The following FBXO40 variants were observed in gnomAD, a reference collection of about 807,000 sequenced individuals.
The protein encoded by FBXO40 is F-box only protein 40.
FBXO40 carries 50 observed loss-of-function variants against 49.9 expected under a neutral mutation model. The ratio of observed to expected loss-of-function variants is 1.00; its 90% CI spans 0.80 to 1.27. The LOEUF is 1.27. Among genes scored for constraint, FBXO40 ranks in the 50% most tolerant of loss-of-function variants. The pLI is 0.00. For missense variants in FBXO40, 895 were observed against 870.1 expected (o/e 1.03, Z -0.36); for synonymous variants, 340 against 320.2 (o/e 1.06, Z -0.66).
intron 1 of FBXO40, among the ~76,000 whole-genome samples, chr3:121,599,190 AG>A (rs1280066553): frequency 6.6e-6 from 1 of 152,040 alleles, no homozygotes; most frequent in Non-Finnish European, 1.5e-5. Context: ...CACAGGGGCC[AG>A]GGGTGGTGGC....
rs369505735 is a variant in FBXO40 at position 121,626,789 on chromosome 3, A to G, written c.2009A>G (p.Asn670Ser). ...GAGCACCTGAAGTCCTGTCCTTTCAACATTGTAGAGCACAAAACTGACCCG... is the reference window on the plus strand; with the variant it reads ...GAGCACCTGAAGTCCTGTCCTTTCAGCATTGTAGAGCACAAAACTGACCCG... The part of the protein sequence containing the change: ...MSEHLKSCPF[N>S]IVEHKTDPIL... The change falls in exon 4 of 4, where the codon AAC becomes AGC. Residue 670 changes from asparagine to serine, a missense_variant. Coordinates refer to ENST00000338040, the MANE Select transcript of FBXO40 (RefSeq NM_016298.4). The G allele has an allele frequency of 1.1e-5, 17 of 1,614,044 alleles. No individual in the cohort carries two copies. The highest frequency in any genetic ancestry group is 1.4e-5 in the Non-Finnish European group (16 of 1,180,048).
At chr3:121,613,467 A>G (rs969800013) in intron 1 of FBXO40, among the ~76,000 whole-genome samples, 1 of 152,210 alleles carries the variant, frequency 6.6e-6, no homozygotes, top group African/African-American at 2.4e-5. Context: ...AAACTATTTC[A>G]GGGCAAAAAT....
At chr3:121,616,545 C>T (rs2048998327) in intron 1 of FBXO40, among the ~76,000 whole-genome samples, 3 of 152,218 alleles carry the variant, frequency 2.0e-5, no homozygotes, top group Non-Finnish European at 1.5e-5. Flanking sequence ...TAAATAGCCA[C>T]ATGTGGCTTG....
chr3:121,624,952 G>A (rs769010196), intron 3 of FBXO40, among the ~76,000 whole-genome samples: 1 of 152,090 alleles, frequency 6.6e-6, no homozygotes, highest in Non-Finnish European at 1.5e-5. Flanking sequence ...ATTGATACAG[G>A]AGGCCAACAA....
chr3:121,611,394 G>T (rs56343977), intron 1 of FBXO40, among the ~76,000 whole-genome samples: 46,813 of 152,078 alleles, frequency 0.31, 7,444 homozygotes, highest in South Asian at 0.46. Flanking sequence ...ATGTCATAAT[G>T]AAGTTCAAGG....
chr3:121,627,066 G>T lies in FBXO40; in HGVS notation c.*156G>T. The T allele has an allele frequency of 1.6e-6, 1 of 641,558 alleles. No homozygotes were observed. The highest frequency in any genetic ancestry group is 2.7e-6 in the Non-Finnish European group (1 of 368,384). The allele number at this position is 641,558 out of a possible 1,614,324, so 39.7% of individuals were successfully genotyped here. A position where few individuals can be genotyped will look rare whatever the true frequency, so the allele number is the denominator to read the frequency against. ...GCAATGTCCTTCGAAACCTCAACACGAGGCCTAAGAATTTCCTAAGCCATG... is the reference window on the plus strand; with the variant it reads ...GCAATGTCCTTCGAAACCTCAACACTAGGCCTAAGAATTTCCTAAGCCATG... On this transcript the variant is annotated 3_prime_UTR_variant, in exon 4 of 4. Transcript: ENST00000338040.
intron 1 of FBXO40, among the ~76,000 whole-genome samples, chr3:121,602,863 G>A (rs1373949890): frequency 1.3e-5 from 2 of 152,064 alleles, no homozygotes; most frequent in Non-Finnish European, 2.9e-5. Flanking sequence ...CAGTAGCTGG[G>A]CTCTTGGACC....
At chr3:121,606,147 C>T (rs1423254468) in intron 1 of FBXO40, among the ~76,000 whole-genome samples, 1 of 152,210 alleles carries the variant, frequency 6.6e-6, no homozygotes, top group African/African-American at 2.4e-5. Context: ...ACCTTGCCCC[C>T]AAGCTTATCC....
chr3:121,599,977 C>T (rs534058905), intron 1 of FBXO40, among the ~76,000 whole-genome samples: 1 of 151,626 alleles, frequency 6.6e-6, no homozygotes, highest in African/African-American at 2.4e-5. Context: ...CCTGCCTCAG[C>T]CTCCCAAAGT....
At chr3:121,607,468 C>A (rs1357979857) in intron 1 of FBXO40, among the ~76,000 whole-genome samples, 3 of 151,524 alleles carry the variant, frequency 2.0e-5, no homozygotes, top group African/African-American at 4.8e-5. Context: ...CACCACCACG[C>A]CCGGCTAATT....
chr3:121,608,384 G>A (rs1288343729), intron 1 of FBXO40, among the ~76,000 whole-genome samples: 1 of 152,116 alleles, frequency 6.6e-6, no homozygotes, highest in Non-Finnish European at 1.5e-5. Context: ...CAATTGCAGG[G>A]CCCTAGTAAG....
In FBXO40 at chr3:121,630,227, C is replaced by T. The variant is rs1281931227; in HGVS notation, c.*3317C>T. On this transcript the variant is annotated 3_prime_UTR_variant, in exon 4 of 4. Coordinates refer to ENST00000338040, the MANE Select transcript of FBXO40 (RefSeq NM_016298.4). ...ATGAGATTGAGTATATCTGTGGTGA[C>T]TGACCTCTGTATACTAGAAACCTCA... is the stretch of plus-strand genomic sequence containing the variant. 1.3e-5 allele frequency: 2 copies of T among 152,200 alleles called. No individual in the cohort carries two copies. The highest frequency in any genetic ancestry group is 2.9e-5 in the Non-Finnish European group (2 of 68,040). 9.4% of individuals were successfully genotyped at this position (152,200 alleles called of 1,614,324 possible).
Position 121,622,652 on chromosome 3 carries a change from T to G in FBXO40, c.1223T>G (p.Leu408Arg). The change falls in exon 3 of 4, where the codon CTC (leucine) becomes CGC (arginine). Residue 408 changes from leucine to arginine, a missense_variant. Coordinates refer to ENST00000338040, the MANE Select transcript of FBXO40 (RefSeq NM_016298.4). ...CTCCAGTGTGCTTTGGAAAGAGAACTCAAAGGCCACGTCATCTCTGAATCC... is the reference window on the plus strand; with the variant it reads ...CTCCAGTGTGCTTTGGAAAGAGAACGCAAAGGCCACGTCATCTCTGAATCC... ...TTLQCALERE[L>R]KGHVISESRS... The G allele has an allele frequency of 1.2e-6, 2 of 1,614,158 alleles. No homozygotes were observed. Among genetic ancestry groups the G allele is most frequent in the Non-Finnish European group, 8.5e-7 (1 of 1,180,012 alleles).
rs886358456 is a variant in FBXO40, at chr3:121,627,041, G to A, written c.*131G>A. On this transcript the variant is annotated 3_prime_UTR_variant, in exon 4 of 4. Coordinates refer to ENST00000338040, the MANE Select transcript of FBXO40 (RefSeq NM_016298.4). ...TGCTTATCGGGGTGTATTGGAACAC[G>A]CAATGTCCTTCGAAACCTCAACACG... The A allele has an allele frequency of 5.7e-5, 44 of 776,774 alleles. No homozygotes were observed. Among genetic ancestry groups the A allele is most frequent in the Admixed American group, 1.9e-4 (8 of 42,496 alleles). The allele number at this position is 776,774 out of a possible 1,614,324, so 48.1% of individuals were successfully genotyped here.
intron 1 of FBXO40, among the ~76,000 whole-genome samples, chr3:121,616,745 T>C (rs757355769): frequency 1.3e-4 from 20 of 152,214 alleles, no homozygotes; most frequent in Non-Finnish European, 2.5e-4. Context: ...AATAAATGAA[T>C]GAACCAGACT....
Position 121,627,723 on chromosome 3 carries a change from T to C in FBXO40, c.*813T>C, listed in dbSNP as rs2049070271. On this transcript the variant is annotated 3_prime_UTR_variant, in exon 4 of 4. Transcript: ENST00000338040. ...CAAGATTTTTTTCTTCTGAAAATTA[T>C]GTTCTGAGTTAGGCAGAACATAGCC... 1 of 397,752 alleles carries C rather than the reference T, an allele frequency of 2.5e-6. No individual in the cohort carries two copies. Among genetic ancestry groups the C allele is most frequent in the Non-Finnish European group, 4.4e-6 (1 of 225,974 alleles). The allele number at this position is 397,752 out of a possible 1,614,324, so 24.6% of individuals were successfully genotyped here.
chr3:121,619,150 C>A lies in FBXO40; in HGVS notation c.-30-1396C>A, dbSNP rs533975150. Among the ~76,000 whole-genome samples, 3 of 151,346 alleles carry A rather than the reference C, an allele frequency of 2.0e-5. No homozygotes were observed. In the South Asian group the frequency reaches 6.3e-4, roughly 32 times the overall value. Reference sequence around the variant, plus strand: ...AAGTAGCTGGGACCATAGGCGTGCACCACCATGCCCCGCTAATTTTTTAAC... The same window carrying A: ...AAGTAGCTGGGACCATAGGCGTGCAACACCATGCCCCGCTAATTTTTTAAC... On this transcript the variant is annotated intron_variant, in intron 1 of 3. Coordinates refer to ENST00000338040, the MANE Select transcript of FBXO40 (RefSeq NM_016298.4).
chr3:121,596,981 G>T (rs1456050497), intron 1 of FBXO40, among the ~76,000 whole-genome samples: 1 of 152,096 alleles, frequency 6.6e-6, no homozygotes, highest in African/African-American at 2.4e-5. Context: ...AGCCCATTTG[G>T]TGGGTCCTTA....
chr3:121,622,527 C>G lies in FBXO40; in HGVS notation c.1098C>G (p.Ala366=). The G allele has an allele frequency of 1.2e-6, 2 of 1,614,168 alleles. No homozygotes were observed. Among genetic ancestry groups the G allele is most frequent in the South Asian group, 2.2e-5 (2 of 91,076 alleles). The change falls in exon 3 of 4, where the codon GCC becomes GCG. Residue 366 remains alanine (A), a synonymous_variant. Transcript: ENST00000338040. ...YCGKRARLGD[A]MLSCKPSEHK... ...GAAAGCGAGCTCGACTTGGAGATGC[C>G]ATGTTGAGTTGTAAGCCAAGTGAAC...
Sources: gnomAD v4.1 joint callset for allele counts (sites outside exome capture counted in the v4.1 genomes callset) on GRCh38, gnomAD v4.1.1 for gene constraint, MANE v1.5 for transcripts, NCBI Gene and HGNC (gene_info 2026-07-23, HGNC 2026-07-21) for gene names.